Variants in PACSIN1 observed in about 807,000 individuals in gnomAD.
The protein encoded by PACSIN1 is protein kinase C and casein kinase substrate in neurons 1.
In PACSIN1, 15 loss-of-function variants were observed where a neutral mutation model predicts 59.5. The ratio of observed to expected loss-of-function variants is 0.25; its 90% CI spans 0.17 to 0.39. The LOEUF (loss-of-function observed/expected upper bound fraction) is 0.39. Ranked by LOEUF, PACSIN1 falls within the 10% of genes least tolerant of loss-of-function variation. The probability of loss-of-function intolerance (pLI) is 1.00; values close to 1 mark genes in which losing one functional copy is unlikely to be tolerated. For missense variants in PACSIN1, 420 were observed against 580.2 expected, an observed-to-expected ratio of 0.72 and a Z score of 2.84; for synonymous variants, 210 against 220.6, an observed-to-expected ratio of 0.95 and a Z score of 0.42.
intron 1 of PACSIN1, among the ~76,000 whole-genome samples, chr6:34,510,075 T>C (rs1170676537): frequency 6.6e-6 from 1 of 152,246 alleles, no homozygotes; most frequent in Non-Finnish European, 1.5e-5. Flanking sequence ...TGCAGTAAAC[T>C]GCACAATTTG....
At chr6:34,485,905 G>T (rs1020209224) in intron 1 of PACSIN1, among the ~76,000 whole-genome samples, 1 of 152,174 alleles carries the variant, frequency 6.6e-6, no homozygotes, top group Admixed American at 6.5e-5. Flanking sequence ...GCTTCGGAGG[G>T]AGTGGAGATG....
chr6:34,500,042 T>C (rs13213617), intron 1 of PACSIN1, among the ~76,000 whole-genome samples: 56,802 of 152,010 alleles, frequency 0.37, 11,837 homozygotes, highest in Middle Eastern at 0.55. Context: ...AGACTATGTA[T>C]AGAACTTCTA....
At position 34,525,025 on chromosome 6, in the gene PACSIN1, T is replaced by C. The variant is rs1767458546; in HGVS notation, c.-63-1218T>C. ...CATGCTTCCTTAAACATCCCTGCTT[T>C]TCACTTCTCTGTATCTAAATTTAAA... is the stretch of plus-strand genomic sequence containing the variant. On this transcript the variant is annotated intron_variant, in intron 1 of 9. Coordinates refer to ENST00000244458, the MANE Select transcript of PACSIN1 (RefSeq NM_020804.5). This position sits in a 1 kb window ranked among gnomAD's most constrained non-coding sequence, Gnocchi z 4.9. 6.6e-6 allele frequency among the ~76,000 whole-genome samples: 1 copy of C among 152,254 alleles called. No homozygotes were observed. The highest frequency in any genetic ancestry group is 2.1e-4 in the South Asian group (1 of 4,836).
Position 34,509,576 on chromosome 6 carries a change from AT to A in PACSIN1, c.-63-16658del, listed in dbSNP as rs200662110. Among the ~76,000 whole-genome samples the A allele has an allele frequency of 7.2e-3, 1,078 of 149,200 alleles. 14 individuals carry two copies. The highest frequency in any genetic ancestry group is 0.025 in the African/African-American group (1,014 of 40,480). On this transcript the variant is annotated intron_variant, in intron 1 of 9. Coordinates refer to ENST00000244458, the MANE Select transcript of PACSIN1 (RefSeq NM_020804.5). ...CCTTTGTGGTTCCTATGATTTTAAG[AT>A]TTTTTTTTCTATTGCTATAAAAATG...
At position 34,529,591 on chromosome 6, in the gene PACSIN1, C is replaced by A. The variant is rs750554750; in HGVS notation, c.612+39C>A. 6 of 1,612,502 alleles carry A rather than the reference C, an allele frequency of 3.7e-6. No individual in the cohort carries two copies. The highest frequency in any genetic ancestry group is 5.1e-6 in the Non-Finnish European group (6 of 1,178,948). On this transcript the variant is annotated intron_variant, in intron 5 of 9. Transcript: ENST00000244458. The surrounding 1 kb of genome is among the most constrained non-coding windows in gnomAD (Gnocchi z 6.3). ...GGGATGGCAGTAGGGGGTCTGGGGGCCCCTTGCAGAGGGTGGTGGCTGGGA... is the reference window on the plus strand; with the variant it reads ...GGGATGGCAGTAGGGGGTCTGGGGGACCCTTGCAGAGGGTGGTGGCTGGGA...
chr6:34,484,788 A>T (rs1225698931), intron 1 of PACSIN1, among the ~76,000 whole-genome samples: 2 of 152,144 alleles, frequency 1.3e-5, no homozygotes, highest in East Asian at 3.8e-4. Flanking sequence ...TCTATTAATT[A>T]AAAAATATAT....
At chr6:34,523,003 G>A (rs1767421530) in intron 1 of PACSIN1, among the ~76,000 whole-genome samples, 1 of 152,144 alleles carries the variant, frequency 6.6e-6, no homozygotes, top group Non-Finnish European at 1.5e-5. Flanking sequence ...GCCTCTTCCC[G>A]AAACACCCTC....
At position 34,493,182 on chromosome 6, in the gene PACSIN1, G is replaced by A. The variant is rs79381248; in HGVS notation, c.-64+26912G>A. On this transcript the variant is annotated intron_variant, in intron 1 of 9. Transcript: ENST00000244458. ...GGCCAGCAAGAGGAGGGCAATTCTT[G>A]GAAAAGAACTCTCAGAATTGTCAGC... Among the ~76,000 whole-genome samples, 1,029 of 152,306 alleles carry A rather than the reference G, an allele frequency of 6.8e-3. 12 individuals are homozygous for A. The highest frequency in any genetic ancestry group is 0.023 in the African/African-American group (951 of 41,548).
At chr6:34,484,453 G>C (rs765345073) in intron 1 of PACSIN1, among the ~76,000 whole-genome samples, 5 of 152,218 alleles carry the variant, frequency 3.3e-5, no homozygotes, top group Non-Finnish European at 5.9e-5. Context: ...GGGTGGGGCA[G>C]GGAGAGGTAA....
In PACSIN1 at chr6:34,529,699, G is replaced by T. The variant is rs144349186; in HGVS notation, c.646G>T (p.Val216Leu). ...QEKYEKVLED[V>L]GKTTPQYMEN... The stretch of plus-strand genomic sequence containing the variant: ...GAAGTATGAGAAAGTGCTGGAAGAT[G>T]TGGGCAAGACCACACCCCAGTACAT... Residue 216 changes from valine (V) to leucine (L), a missense_variant, in exon 6 of 10, where the codon GTG becomes TTG. Coordinates refer to ENST00000244458, the MANE Select transcript of PACSIN1 (RefSeq NM_020804.5). The surrounding 1 kb of genome is among the most constrained non-coding windows in gnomAD (Gnocchi z 6.3). The T allele has an allele frequency of 1.2e-6, 2 of 1,614,070 alleles. No homozygotes were observed. The highest frequency in any genetic ancestry group is 1.7e-6 in the Non-Finnish European group (2 of 1,180,046).
chr6:34,493,097 C>T (rs188415393), intron 1 of PACSIN1, among the ~76,000 whole-genome samples: 1 of 152,306 alleles, frequency 6.6e-6, no homozygotes, highest in Admixed American at 6.5e-5. Flanking sequence ...TGTCCCAAAT[C>T]AAGCAAGGGA....
chr6:34,519,816 G>A (rs1386755584), intron 1 of PACSIN1, among the ~76,000 whole-genome samples: 1 of 152,190 alleles, frequency 6.6e-6, no homozygotes, highest in Non-Finnish European at 1.5e-5. Context: ...GTCAGTGGCA[G>A]AGCAGGGATT....
At chr6:34,481,174 G>A (rs980717489) in intron 1 of PACSIN1, among the ~76,000 whole-genome samples, 4 of 151,662 alleles carry the variant, frequency 2.6e-5, no homozygotes, top group African/African-American at 9.7e-5. Context: ...AGCCCCCCGA[G>A]AGCTGGGACT....
In PACSIN1 at chr6:34,515,240, T is replaced by C. The variant is rs1166715769; in HGVS notation, c.-63-11003T>C. On this transcript the variant is annotated intron_variant, in intron 1 of 9. Transcript: ENST00000244458. This position sits in a 1 kb window ranked among gnomAD's most constrained non-coding sequence, Gnocchi z 4.4. ...GCAGCCAGCATCCTGAGAGGTCTTG[T>C]CAGAACCGTCAGAACCTTGATCCTC... 1.3e-5 allele frequency among the ~76,000 whole-genome samples: 2 copies of C among 152,156 alleles called. No individual in the cohort carries two copies. Among genetic ancestry groups the C allele is most frequent in the East Asian group, 3.9e-4 (2 of 5,176 alleles).
chr6:34,468,788 G>T (rs1244869123), intron 1 of PACSIN1, among the ~76,000 whole-genome samples: 3 of 152,224 alleles, frequency 2.0e-5, no homozygotes, highest in African/African-American at 7.2e-5. Flanking sequence ...CTCCCATCAT[G>T]CAGTGTCCTC....
chr6:34,467,654 G>A (rs1766515854), intron 1 of PACSIN1, among the ~76,000 whole-genome samples: 1 of 150,942 alleles, frequency 6.6e-6, no homozygotes, highest in Admixed American at 6.6e-5. Context: ...TGCCTCCCGG[G>A]TTCAAGCGAT....
At chr6:34,490,838 C>G (rs933153658) in intron 1 of PACSIN1, among the ~76,000 whole-genome samples, 2 of 152,196 alleles carry the variant, frequency 1.3e-5, no homozygotes, top group Non-Finnish European at 2.9e-5. Flanking sequence ...CCTGGCGTTT[C>G]TGCTTCTACT....
chr6:34,477,284 A>G (rs1395342730), intron 1 of PACSIN1, among the ~76,000 whole-genome samples: 3 of 151,510 alleles, frequency 2.0e-5, no homozygotes, highest in African/African-American at 7.2e-5. Context: ...TGAGTCCAGG[A>G]GTTCAAGACC....
Position 34,499,717 on chromosome 6 carries a change from A to C in PACSIN1, c.-63-26526A>C, listed in dbSNP as rs975111663. ...AGGCTGAGGCAGGAGAATTGCTTGA[A>C]CCCGGGAAGTGGAGGTTGCAGTGAG... is the stretch of plus-strand genomic sequence containing the variant. On this transcript the variant is annotated intron_variant, in intron 1 of 9. Coordinates refer to ENST00000244458, the MANE Select transcript of PACSIN1 (RefSeq NM_020804.5). Among the ~76,000 whole-genome samples the C allele has an allele frequency of 7.9e-5, 12 of 151,820 alleles. No individual in the cohort carries two copies. In the East Asian group the frequency reaches 2.3e-3, roughly 29 times the overall value.
Sources: gnomAD v4.1 joint callset for allele counts (sites outside exome capture counted in the v4.1 genomes callset) on GRCh38, gnomAD v4.1.1 for gene constraint, Gnocchi (gnomAD v3.1) non-coding constraint, MANE v1.5 for transcripts, NCBI Gene and HGNC (gene_info 2026-07-23, HGNC 2026-07-21) for gene names.